Variants in NUBPL observed in about 807,000 individuals in gnomAD.
The protein encoded by NUBPL is iron-sulfur cluster transfer protein NUBPL.
A neutral mutation model predicts 45.7 loss-of-function variants in NUBPL; 31 were observed. The ratio of observed to expected loss-of-function variants is 0.68; its 90% CI spans 0.51 to 0.92. The LOEUF (loss-of-function observed/expected upper bound fraction) is 0.92. Ranked by LOEUF, NUBPL falls within the 40% of genes least tolerant of loss-of-function variation. The probability of loss-of-function intolerance (pLI) is 0.00; values close to 1 mark genes in which losing one functional copy is unlikely to be tolerated. For synonymous variants in NUBPL, 144 were observed against 140.9 expected, an observed-to-expected ratio of 1.02 and a Z score of -0.15; for missense variants, 401 against 398.7, an observed-to-expected ratio of 1.01 and a Z score of -0.05.
chr14:31,784,122 A>G (rs1467478861), intron 6 of NUBPL, among the ~76,000 whole-genome samples: 2 of 152,194 alleles, frequency 1.3e-5, no homozygotes, highest in African/African-American at 4.8e-5. Flanking sequence ...CTCCAGAGAA[A>G]TGGAGTCAGC....
intron 6 of NUBPL, among the ~76,000 whole-genome samples, chr14:31,677,797 C>T (rs1210396242): frequency 6.6e-6 from 1 of 152,202 alleles, no homozygotes; most frequent in Admixed American, 6.5e-5. Context: ...GCTGTTACCA[C>T]TATCCGGCTA....
chr14:31,762,957 A>G (rs888927755), intron 6 of NUBPL, among the ~76,000 whole-genome samples: 1 of 152,220 alleles, frequency 6.6e-6, no homozygotes, highest in Non-Finnish European at 1.5e-5. Flanking sequence ...AAGACTAACC[A>G]ATAATTCTTG....
At chr14:31,654,783 C>T (rs185417797) in intron 4 of NUBPL, among the ~76,000 whole-genome samples, 1 of 152,262 alleles carries the variant, frequency 6.6e-6, no homozygotes, top group Non-Finnish European at 1.5e-5. Flanking sequence ...AATGATTTGT[C>T]TATAGCATGT....
At chr14:31,634,079 T>A (rs1380733181) in intron 4 of NUBPL, among the ~76,000 whole-genome samples, 1 of 151,982 alleles carries the variant, frequency 6.6e-6, no homozygotes, top group Non-Finnish European at 1.5e-5. Context: ...AGTTCTTTTT[T>A]TTTAATTTAA....
intron 6 of NUBPL, among the ~76,000 whole-genome samples, chr14:31,766,841 T>C (rs2038921387): frequency 6.6e-6 from 1 of 152,160 alleles, no homozygotes; most frequent in Admixed American, 6.5e-5. Context: ...TTGGCACCTT[T>C]TCCTTTGTTC....
At chr14:31,834,209 T>C (rs1226278828) in intron 8 of NUBPL, among the ~76,000 whole-genome samples, 1 of 114,834 alleles carries the variant, frequency 8.7e-6, no homozygotes, top group Non-Finnish European at 1.7e-5. Flanking sequence ...TGAGACAGAG[T>C]CTTGCTCTGT....
intron 8 of NUBPL, among the ~76,000 whole-genome samples, chr14:31,839,986 C>T (rs375460751): frequency 6.6e-6 from 1 of 152,094 alleles, no homozygotes; most frequent in Non-Finnish European, 1.5e-5. Flanking sequence ...AAAAGGGAAC[C>T]CTTGCACCCT....
intron 8 of NUBPL, among the ~76,000 whole-genome samples, chr14:31,841,373 T>C (rs1477123891): frequency 6.6e-6 from 1 of 152,240 alleles, no homozygotes; most frequent in Non-Finnish European, 1.5e-5. Context: ...TGTTTAGTCA[T>C]ATTGATATTT....
At chr14:31,768,613 A>G (rs934959574) in intron 6 of NUBPL, among the ~76,000 whole-genome samples, 2 of 152,234 alleles carry the variant, frequency 1.3e-5, no homozygotes, top group African/African-American at 4.8e-5. Context: ...GTGGAAGCAA[A>G]GGCATTTCTC....
rs2040514912 is a variant in NUBPL at position 31,850,112 on chromosome 14, C to T, written c.815-7C>T. 8 of 1,611,104 alleles carry T rather than the reference C, an allele frequency of 5.0e-6. No individual in the cohort carries two copies. The highest frequency in any genetic ancestry group is 3.3e-4 in the Middle Eastern group (2 of 6,078). Reference sequence around the variant, plus strand: ...GGTTCTAATGGATGTCTGCTGGGCTCTTTTAGGAGACATTCCCTTACACCT... The same window carrying T: ...GGTTCTAATGGATGTCTGCTGGGCTTTTTTAGGAGACATTCCCTTACACCT... On this transcript the variant is annotated splice_region_variant and splice_polypyrimidine_tract_variant and intron_variant, in intron 9 of 10. Coordinates refer to ENST00000281081, the MANE Select transcript of NUBPL (RefSeq NM_025152.3).
rs373912976 is a variant in NUBPL, at chr14:31,609,138, T to TA, written c.382+9768dup. Among the ~76,000 whole-genome samples the TA allele has an allele frequency of 7.0e-3, 1,055 of 149,922 alleles. 10 individuals are homozygous for TA. The highest frequency in any genetic ancestry group is 0.023 in the African/African-American group (932 of 40,908). ...TCAAAAGATGGAGTGGCTAAATAGA[T>TA]AAAAAAAAACAAGACCCATTGATTT... On this transcript the variant is annotated intron_variant, in intron 4 of 10. Transcript: ENST00000281081.
At chr14:31,595,393 TTACAA>T (rs753213111) in intron 3 of NUBPL, among the ~76,000 whole-genome samples, 8 of 152,240 alleles carry the variant, frequency 5.3e-5, no homozygotes, top group Non-Finnish European at 1.0e-4. Context: ...CAATCAGACT[TTACAA>T]TAGTAAGTTT....
intron 4 of NUBPL, among the ~76,000 whole-genome samples, chr14:31,660,037 A>G (rs2036231322): frequency 6.6e-6 from 1 of 152,238 alleles, no homozygotes; most frequent in African/African-American, 2.4e-5. Flanking sequence ...TAATATTAAG[A>G]GTAATAGAAG....
At chr14:31,820,414 T>G (rs968210992) in intron 7 of NUBPL, among the ~76,000 whole-genome samples, 48 of 152,194 alleles carry the variant, frequency 3.2e-4, no homozygotes, top group African/African-American at 1.1e-3. Context: ...AAATTTAAAT[T>G]TAACAGGTAG....
intron 4 of NUBPL, among the ~76,000 whole-genome samples, chr14:31,627,501 G>A (rs7161592): frequency 0.15 from 22,839 of 151,766 alleles, 4,855 homozygotes; most frequent in African/African-American, 0.48. Flanking sequence ...ATTATTGGCC[G>A]GGCACGGTGG....
intron 3 of NUBPL, among the ~76,000 whole-genome samples, chr14:31,573,142 A>G (rs12587670): frequency 0.52 from 78,823 of 151,948 alleles, 22,399 homozygotes; most frequent in Non-Finnish European, 0.63. Flanking sequence ...AAACACGTGA[A>G]TCATGTGTTG....
At chr14:31,637,545 C>G (rs9707303) in intron 4 of NUBPL, among the ~76,000 whole-genome samples, 139,806 of 152,208 alleles carry the variant, frequency 0.92, 64,261 homozygotes, top group East Asian at 1. Context: ...TGGTGTGGTG[C>G]TGAAAAAAAT....
chr14:31,846,253 C>T, intron 8 of NUBPL: 1 of 504,024 alleles, frequency 2.0e-6, no homozygotes, highest in South Asian at 2.1e-5. Context: ...TCATTCATCT[C>T]TTTTTAGCAT....
chr14:31,850,660 A>G (rs11156714), intron 10 of NUBPL, among the ~76,000 whole-genome samples: 47,455 of 151,910 alleles, frequency 0.31, 7,583 homozygotes, highest in East Asian at 0.48. Flanking sequence ...TTGCTCTGTC[A>G]CCCAGGCTGG....
Sources: allele counts gnomAD v4.1 joint callset (sites outside exome capture counted in the v4.1 genomes callset), GRCh38; gene constraint gnomAD v4.1.1; transcripts MANE v1.5; gene names NCBI Gene and HGNC (gene_info 2026-07-23, HGNC 2026-07-21).